The following PLA2G6 variants were observed in gnomAD, a reference collection of about 807,000 sequenced individuals.
PLA2G6 encodes phospholipase A2 group VI, also known as 85/88 kDa calcium-independent phospholipase A2.
A neutral mutation model predicts 83.8 loss-of-function variants in PLA2G6; 62 were observed. That is an observed-to-expected ratio of 0.74 (90% CI 0.60 to 0.91). The LOEUF (loss-of-function observed/expected upper bound fraction) is 0.91, where lower values mean the gene tolerates loss of function less well. Ranked by LOEUF, PLA2G6 falls within the 40% of genes least tolerant of loss-of-function variation. The probability of loss-of-function intolerance (pLI) is 0.00; values close to 1 mark genes in which losing one functional copy is unlikely to be tolerated. For synonymous variants in PLA2G6, 417 were observed against 449.8 expected (o/e 0.93, Z 0.92); for missense variants, 944 against 1,102.0 (o/e 0.86, Z 2.03).
chr22:38,140,037 T>A lies in PLA2G6; in HGVS notation c.742A>T (p.Ile248Phe). ...ATGGGGTAGCCGTTGGGGCCCATGA[T>A]GTTGCACCGAGCATTGCACAGCAGC... ...VLLLCNARCN[I>F]MGPNGYPIHS... The change falls in exon 5 of 17, where the codon ATC (isoleucine) becomes TTC (phenylalanine). Residue 248 changes from isoleucine (I) to phenylalanine (F), a missense_variant. By Grantham distance (21) the Ile-to-Phe change is conservative. Transcript: ENST00000332509. The A allele has an allele frequency of 6.2e-7, 1 of 1,613,062 alleles. No homozygotes were observed. The highest frequency in any genetic ancestry group is 8.5e-7 in the Non-Finnish European group (1 of 1,179,580).
chr22:38,131,434 A>C (rs1469522716), intron 7 of PLA2G6: 1 of 152,182 alleles, frequency 6.6e-6, no homozygotes, highest in Non-Finnish European at 1.5e-5. Context: ...AAATTTTCAC[A>C]CTTTAAATTT....
chr22:38,171,687 G>C (rs1208829586), intron 1 of PLA2G6, among the ~76,000 whole-genome samples: 2 of 152,066 alleles, frequency 1.3e-5, no homozygotes, highest in South Asian at 2.1e-4. Context: ...TGGGCATGGT[G>C]GTGGGCACCT....
At position 38,112,618 on chromosome 22, in the gene PLA2G6, C is replaced by T. The variant is rs11570763; in HGVS notation, c.2203-41G>A. On this transcript the variant is annotated intron_variant, in intron 15 of 16. Coordinates refer to ENST00000332509, the MANE Select transcript of PLA2G6 (RefSeq NM_003560.4). ...CTTGGTGAGTGCCGGGCCCACACCC[C>T]GCCCGGCCCGCACCCCGCCCGGCCC... The T allele has an allele frequency of 1.3e-5, 20 of 1,489,538 alleles. No homozygotes were observed. In the Middle Eastern group the frequency reaches 5.9e-4, roughly 44 times the overall value. The allele number at this position is 1,489,538 out of a possible 1,614,324, so 92.3% of individuals were successfully genotyped here. A position where few individuals can be genotyped will look rare whatever the true frequency, so the allele number is the denominator to read the frequency against.
chr22:38,120,750 A>G lies in PLA2G6; in HGVS notation c.1742+9T>C, dbSNP rs373514703. The G allele has an allele frequency of 3.7e-6, 6 of 1,613,382 alleles. No individual in the cohort carries two copies. In the African/African-American group the frequency reaches 6.7e-5, roughly 18 times the overall value. The stretch of plus-strand genomic sequence containing the variant: ...GCTGCGGCCACGGCCCCAGTGCGCC[A>G]GGGCTTACTTGGGTTTCCTGACGTC... On this transcript the variant is annotated intron_variant, in intron 12 of 16. Transcript: ENST00000332509.
rs150997863 is a variant in PLA2G6, at chr22:38,150,399, C to G, written c.210-4746G>C. ...GGGCCCTGAGCCCTGAATGAACTACCAGCCAACAGCCAGCACCAACTTGCC... is the reference window on the plus strand; with the variant it reads ...GGGCCCTGAGCCCTGAATGAACTACGAGCCAACAGCCAGCACCAACTTGCC... On this transcript the variant is annotated intron_variant, in intron 2 of 16. Transcript: ENST00000332509. 4 of 152,350 alleles carry G rather than the reference C, an allele frequency of 2.6e-5. No individual in the cohort carries two copies. In the East Asian group the frequency reaches 7.7e-4, roughly 29 times the overall value. The allele number at this position is 152,350 out of a possible 1,614,324, so 9.4% of individuals were successfully genotyped here.
At chr22:38,176,907 G>A (rs190393893) in intron 1 of PLA2G6, among the ~76,000 whole-genome samples, 2 of 152,080 alleles carry the variant, frequency 1.3e-5, no homozygotes, top group Non-Finnish European at 2.9e-5. Context: ...TTAGCCTGGC[G>A]TGATGGTGGG....
chr22:38,162,734 T>C (rs976272269), intron 2 of PLA2G6, among the ~76,000 whole-genome samples: 18 of 152,068 alleles, frequency 1.2e-4, no homozygotes, highest in Admixed American at 9.2e-4. Flanking sequence ...CAAGTGGTAT[T>C]GTAGGGTGAC....
At chr22:38,155,748 G>A (rs1375309743) in intron 2 of PLA2G6, among the ~76,000 whole-genome samples, 2 of 151,776 alleles carry the variant, frequency 1.3e-5, no homozygotes, top group African/African-American at 4.8e-5. Flanking sequence ...TCACTAAAAG[G>A]AGAACAGGAA....
Position 38,128,497 on chromosome 22 carries a change from G to A in PLA2G6, c.1187-67C>T. ...AATGATGTCAACATGCAAAGGAGAGGCCCCTCCTTTCCACACTCCGTCCCC... is the reference window on the plus strand; with the variant it reads ...AATGATGTCAACATGCAAAGGAGAGACCCCTCCTTTCCACACTCCGTCCCC... On this transcript the variant is annotated intron_variant, in intron 8 of 16. Coordinates refer to ENST00000332509, the MANE Select transcript of PLA2G6 (RefSeq NM_003560.4). This position sits in a 1 kb window ranked among gnomAD's most constrained non-coding sequence, Gnocchi z 4.4. 1 of 1,551,866 alleles carries A rather than the reference G, an allele frequency of 6.4e-7. No individual in the cohort carries two copies. Among genetic ancestry groups the A allele is most frequent in the Non-Finnish European group, 8.8e-7 (1 of 1,130,372 alleles).
chr22:38,180,946 G>C (rs1304850711), intron 1 of PLA2G6, among the ~76,000 whole-genome samples: 1 of 152,180 alleles, frequency 6.6e-6, no homozygotes, highest in African/African-American at 2.4e-5. Context: ...CTGACATCCT[G>C]TTGGGCGGGT....
intron 2 of PLA2G6, chr22:38,146,089 G>T: frequency 3.8e-6 from 1 of 265,008 alleles, no homozygotes; most frequent in South Asian, 4.1e-5. Flanking sequence ...AGGCTGGAGT[G>T]CAGTGTTGTA....
chr22:38,145,048 T>TG, intron 3 of PLA2G6: 1 of 255,804 alleles, frequency 3.9e-6, no homozygotes, highest in Non-Finnish European at 7.9e-6. Flanking sequence ...TTTTTTTTTT[T>TG]TTTTTTTCCT....
chr22:38,124,688 C>T (rs1323847674), intron 10 of PLA2G6, among the ~76,000 whole-genome samples: 1 of 152,136 alleles, frequency 6.6e-6, no homozygotes, highest in Non-Finnish European at 1.5e-5. Context: ...GAAGCTCCAC[C>T]AGGGCAGAAG....
Position 38,120,820 on chromosome 22 carries a change from C to T in PLA2G6, c.1681G>A (p.Glu561Lys). 1 of 1,613,936 alleles carries T rather than the reference C, an allele frequency of 6.2e-7. No individual in the cohort carries two copies. The highest frequency in any genetic ancestry group is 8.5e-7 in the Non-Finnish European group (1 of 1,180,036). The change falls in exon 12 of 17, where the codon GAG becomes AAG. Residue 561 changes from glutamate (E) to lysine (K), a missense_variant. Physicochemically the swap from Glu to Lys is moderately conservative, Grantham distance 56 (BLOSUM62 1). Coordinates refer to ENST00000332509, the MANE Select transcript of PLA2G6 (RefSeq NM_003560.4). ...GSRPYESGPL[E>K]EFLKREFGEH... ...CCAAACTCCCGCTTCAGGAACTCCT[C>T]CAGGGGCCCCGACTCGTAGGGCCTG...
chr22:38,172,732 A>G (rs1173688866), intron 1 of PLA2G6, among the ~76,000 whole-genome samples: 2 of 152,230 alleles, frequency 1.3e-5, no homozygotes, highest in African/African-American at 2.4e-5. Flanking sequence ...GAGAGTCAAG[A>G]GCATCCAGCA....
intron 12 of PLA2G6, among the ~76,000 whole-genome samples, chr22:38,117,130 AG>A (rs202211365): frequency 7.9e-5 from 12 of 151,888 alleles, no homozygotes; most frequent in Non-Finnish European, 1.3e-4. Flanking sequence ...AACTCTTCCA[AG>A]AAAAATAAAA....
intron 2 of PLA2G6, 182 bp from the exon 3 acceptor site, chr22:38,145,835 C>CA: frequency 2.4e-6 from 1 of 421,014 alleles, no homozygotes; most frequent in South Asian, 2.6e-5. Flanking sequence ...ACACACACAC[C>CA]CCTATACACA....
At chr22:38,126,873 A>C in intron 9 of PLA2G6, 1 of 422,148 alleles carries the variant, frequency 2.4e-6, no homozygotes, top group South Asian at 2.9e-5. Context: ...AGGCTCTAAG[A>C]GGGTCCATAA....
intron 11 of PLA2G6, among the ~76,000 whole-genome samples, chr22:38,121,725 G>A (rs559585973): frequency 1.1e-4 from 16 of 152,298 alleles, no homozygotes; most frequent in Admixed American, 3.3e-4. Context: ...TCAAGACCCC[G>A]GATGGGGAAG....
Sources: gnomAD v4.1 joint callset for allele counts (sites outside exome capture counted in the v4.1 genomes callset) on GRCh38, gnomAD v4.1.1 for gene constraint, Gnocchi (gnomAD v3.1) non-coding constraint, MANE v1.5 for transcripts, NCBI Gene and HGNC (gene_info 2026-07-23, HGNC 2026-07-21) for gene names.